CHAT: variants seen among roughly 807,000 people sequenced by gnomAD.
The protein encoded by CHAT is choline O-acetyltransferase.
Under a neutral mutation model 76.9 loss-of-function variants are expected in CHAT, and 61 were observed. That is an observed-to-expected ratio of 0.79 (90% CI 0.65 to 0.98). The LOEUF (loss-of-function observed/expected upper bound fraction) is 0.98. CHAT is among the 50% of genes least tolerant of loss of function. CHAT has a pLI of 0.00. For synonymous variants in CHAT, 407 were observed against 397.4 expected, an observed-to-expected ratio of 1.02 and a Z score of -0.29; for missense variants, 946 against 986.9, an observed-to-expected ratio of 0.96 and a Z score of 0.56.
At chr10:49,645,531 T>C (rs1229594993) in intron 7 of CHAT, among the ~76,000 whole-genome samples, 1 of 152,044 alleles carries the variant, frequency 6.6e-6, no homozygotes, top group African/African-American at 2.4e-5. Context: ...TTGGAAGAAA[T>C]GGGAACACGC....
At chr10:49,609,558 G>T (rs1838234383), upstream of CHAT, among the ~76,000 whole-genome samples, 1 of 152,160 alleles carries the variant, frequency 6.6e-6, no homozygotes, top group Non-Finnish European at 1.5e-5. Flanking sequence ...AGGCAGTGCG[G>T]GAGGGCGGCA....
At chr10:49,655,356 C>G in intron 12 of CHAT, 30 bp from the exon 13 acceptor site, 1 of 1,613,820 alleles carries the variant, frequency 6.2e-7, no homozygotes, top group Non-Finnish European at 8.5e-7. Context: ...GCCTTTTAAA[C>G]CCCGCGCTGC....
intron 7 of CHAT, among the ~76,000 whole-genome samples, chr10:49,628,786 C>A (rs1384452970): frequency 6.6e-6 from 1 of 152,252 alleles, no homozygotes; most frequent in Non-Finnish European, 1.5e-5. Flanking sequence ...AAGGATGGTA[C>A]CCAGGCAGGC....
chr10:49,664,222 T>C (rs1840282695), intron 14 of CHAT, among the ~76,000 whole-genome samples: 1 of 152,202 alleles, frequency 6.6e-6, no homozygotes, highest in African/African-American at 2.4e-5. Flanking sequence ...CAAAACATAC[T>C]AGGTGCATAA....
At chr10:49,632,088 G>A (rs531686607) in intron 7 of CHAT, among the ~76,000 whole-genome samples, 3 of 152,286 alleles carry the variant, frequency 2.0e-5, no homozygotes, top group Non-Finnish European at 2.9e-5. Context: ...GTGCATGAGT[G>A]TGGAGGAAAA....
At chr10:49,654,173 T>C (rs1447242097) in intron 11 of CHAT, among the ~76,000 whole-genome samples, 1 of 152,228 alleles carries the variant, frequency 6.6e-6, no homozygotes, top group Non-Finnish European at 1.5e-5. Context: ...CAGGAGCTCC[T>C]TGCCAGAGTC....
chr10:49,648,731 AC>A, intron 9 of CHAT, 124 bp downstream of exon 9: 1 of 544,412 alleles, frequency 1.8e-6, no homozygotes, highest in Non-Finnish European at 3.3e-6. Flanking sequence ...TACTATACAC[AC>A]ACACACACAC....
Position 49,646,590 on chromosome 10 carries a change from C to T in CHAT, c.1197C>T (p.Ser399=), listed in dbSNP as rs554276268. The T allele has an allele frequency of 2.1e-4, 346 of 1,614,200 alleles. 7 individuals are homozygous for T. In the South Asian group the frequency reaches 3.6e-3, roughly 17 times the overall value. Residue 399 remains serine, a synonymous_variant, in exon 8 of 15, where the codon AGC becomes AGT. Transcript: ENST00000337653. ...ACGCGCCAGGAGGCGTGGAGCTCAGCGACACCCACAGGGCACTCCAGCTCC... is the reference window on the plus strand; with the variant it reads ...ACGCGCCAGGAGGCGTGGAGCTCAGTGACACCCACAGGGCACTCCAGCTCC... ...CLDAPGGVEL[S]DTHRALQLLH... is the part of the protein sequence containing the mutation.
chr10:49,614,067 C>A lies in CHAT; in HGVS notation c.-123C>A, dbSNP rs959791325. On this transcript the variant is annotated 5_prime_UTR_variant, in exon 1 of 15. Transcript: ENST00000337653. Reference sequence around the variant, plus strand: ...CTGAGCTAGGGGCAGGAGGCATGGGCGGGACAGTGTTCTGTGCCCCCTTCT... The same window carrying A: ...CTGAGCTAGGGGCAGGAGGCATGGGAGGGACAGTGTTCTGTGCCCCCTTCT... The A allele has an allele frequency of 2.0e-6, 3 of 1,513,254 alleles. No individual in the cohort carries two copies. Among genetic ancestry groups the A allele is most frequent in the Admixed American group, 3.9e-5 (2 of 50,818 alleles). The allele number at this position is 1,513,254 out of a possible 1,614,324, so 93.7% of individuals were successfully genotyped here. A position where few individuals can be genotyped will look rare whatever the true frequency, so the allele number is the denominator to read the frequency against.
At chr10:49,625,235 A>C (rs1441920027) in intron 5 of CHAT, among the ~76,000 whole-genome samples, 1 of 152,184 alleles carries the variant, frequency 6.6e-6, no homozygotes, top group African/African-American at 2.4e-5. Flanking sequence ...CAGGCTTTGC[A>C]CATGCCGTGC....
chr10:49,623,577 T>A lies in CHAT; in HGVS notation c.752+1427T>A, dbSNP rs771394221. 3.3e-5 allele frequency among the ~76,000 whole-genome samples: 5 copies of A among 152,298 alleles called. No homozygotes were observed. In the South Asian group the frequency reaches 8.3e-4, roughly 25 times the overall value. The stretch of plus-strand genomic sequence containing the variant: ...CACTTAAACAGACACAAAATACAGC[T>A]GTGTCCCTTCCCCTGAGTCCCACAC... On this transcript the variant is annotated intron_variant, in intron 5 of 14. Coordinates refer to ENST00000337653, the MANE Select transcript of CHAT (RefSeq NM_020549.5).
chr10:49,630,133 T>C (rs1220594432), intron 7 of CHAT, among the ~76,000 whole-genome samples: 5 of 151,948 alleles, frequency 3.3e-5, no homozygotes, highest in African/African-American at 4.8e-5. Context: ...TTAATATATA[T>C]GTTTGGAGCC....
At chr10:49,640,365 GT>G (rs1839439505) in intron 7 of CHAT, among the ~76,000 whole-genome samples, 1 of 152,138 alleles carries the variant, frequency 6.6e-6, no homozygotes, top group Admixed American at 6.5e-5. Context: ...ATTTAAGCTT[GT>G]TTTAACTGGC....
chr10:49,639,863 C>A (rs1839421980), intron 7 of CHAT, among the ~76,000 whole-genome samples: 1 of 152,020 alleles, frequency 6.6e-6, no homozygotes, highest in South Asian at 2.1e-4. Flanking sequence ...CACCTTTTGT[C>A]TCAAAGGTGC....
chr10:49,662,818 T>A (rs369294354), intron 14 of CHAT, 36 bp downstream of exon 14: 2 of 1,613,846 alleles, frequency 1.2e-6, no homozygotes, highest in Admixed American at 1.7e-5. Flanking sequence ...AAGAGTAGTG[T>A]AGTCAGTAAG....
At chr10:49,623,126 C>T (rs1360876963) in intron 5 of CHAT, among the ~76,000 whole-genome samples, 1 of 152,202 alleles carries the variant, frequency 6.6e-6, no homozygotes, top group Non-Finnish European at 1.5e-5. Context: ...GTTGTCTCCT[C>T]ATGGTGTGTC....
chr10:49,664,365 G>A (rs1840286896), intron 14 of CHAT, among the ~76,000 whole-genome samples: 1 of 152,250 alleles, frequency 6.6e-6, no homozygotes. Context: ...ACAGAGGATG[G>A]GCCAGATTTC....
At chr10:49,638,475 T>C (rs1839367446) in intron 7 of CHAT, among the ~76,000 whole-genome samples, 1 of 152,238 alleles carries the variant, frequency 6.6e-6, no homozygotes, top group South Asian at 2.1e-4. Flanking sequence ...TCTGATATTT[T>C]AGTTTTTATT....
intron 8 of CHAT, chr10:49,647,774 TCC>T (rs1407419055): frequency 6.0e-5 from 9 of 149,438 alleles, no homozygotes; most frequent in South Asian, 2.2e-4. Context: ...CTTCCTTCCT[TCC>T]TTCCTTCCTT....
Sources: allele counts gnomAD v4.1 joint callset (sites outside exome capture counted in the v4.1 genomes callset), GRCh38; gene constraint gnomAD v4.1.1; transcripts MANE v1.5; gene names NCBI Gene and HGNC (gene_info 2026-07-23, HGNC 2026-07-21).